The following MCFD2 variants were observed in gnomAD, a reference collection of about 807,000 sequenced individuals.
MCFD2 encodes the protein multiple coagulation factor deficiency protein 2.
Under a neutral mutation model 12.8 loss-of-function variants are expected in MCFD2, and 11 were observed. The ratio of observed to expected loss-of-function variants is 0.86; its 90% confidence interval spans 0.54 to 1.42. The LOEUF is 1.42. MCFD2 is among the 40% of genes most tolerant of loss of function. The probability of loss-of-function intolerance (pLI) is 0.00; values close to 1 mark genes in which losing one functional copy is unlikely to be tolerated. For missense variants in MCFD2, 191 were observed against 178.6 expected (o/e 1.07, Z -0.40); for synonymous variants, 70 against 68.1 (o/e 1.03, Z -0.14).
intron 1 of MCFD2, among the ~76,000 whole-genome samples, chr2:46,933,902 C>A (rs1238731790): frequency 6.6e-6 from 1 of 152,084 alleles, no homozygotes; most frequent in Non-Finnish European, 1.5e-5. Flanking sequence ...TAAGGGACCC[C>A]ACATGGTAAG....
rs1208319065 is a variant in MCFD2, at chr2:46,905,400, A to C, written c.*63T>G. On this transcript the variant is annotated 3_prime_UTR_variant, in exon 4 of 4. Coordinates refer to ENST00000319466, the MANE Select transcript of MCFD2 (RefSeq NM_139279.6). The stretch of plus-strand genomic sequence containing the variant: ...GGAAATGAGTTATTTTGCATTACTA[A>C]AGTGTTCAATCACATTATCACGGGT... 1 of 1,582,102 alleles carries C rather than the reference A, an allele frequency of 6.3e-7. No homozygotes were observed. The highest frequency in any genetic ancestry group is 8.7e-7 in the Non-Finnish European group (1 of 1,153,152).
chr2:46,915,822 C>T (rs1329306558), upstream of MCFD2: 2 of 294,418 alleles, frequency 6.8e-6, no homozygotes, highest in Middle Eastern at 1.3e-3. Flanking sequence ...CCCCCCCCCC[C>T]CCCCCGACCT....
At chr2:46,926,801 C>G (rs373533799) in intron 1 of MCFD2, among the ~76,000 whole-genome samples, 3 of 152,214 alleles carry the variant, frequency 2.0e-5, no homozygotes, top group Non-Finnish European at 4.4e-5. Context: ...CAACGGACCT[C>G]CACAGCTTGA....
rs1352282400 is a variant in MCFD2, at chr2:46,940,743, G to GA, written c.-8+828dup. Among the ~76,000 whole-genome samples, 1 of 152,196 alleles carries GA rather than the reference G, an allele frequency of 6.6e-6. No individual in the cohort carries two copies. The highest frequency in any genetic ancestry group is 2.4e-5 in the African/African-American group (1 of 41,456). On this transcript the variant is annotated intron_variant, in intron 1 of 2. Coordinates refer to the MCFD2 transcript ENST00000409147. This position sits in a 1 kb window ranked among gnomAD's most constrained non-coding sequence, Gnocchi z 4.7. Reference sequence around the variant, plus strand: ...GGCGTCCAGAGAGTCGCGGGCCTGGGAACGGGCCTGGGTCCTCGCGAGCAT... The same window carrying GA: ...GGCGTCCAGAGAGTCGCGGGCCTGGGAAACGGGCCTGGGTCCTCGCGAGCAT...
upstream of MCFD2, chr2:46,916,322 T>G (rs978140428): frequency 3.2e-6 from 1 of 313,140 alleles, no homozygotes; most frequent in African/African-American, 2.3e-5. Flanking sequence ...GTCTGCCAGC[T>G]CCACTGCACA....
chr2:46,908,848 T>C lies in MCFD2; in HGVS notation c.149+175A>G. 1 of 819,850 alleles carries C rather than the reference T, an allele frequency of 1.2e-6. No homozygotes were observed. Among genetic ancestry groups the C allele is most frequent in the Admixed American group, 2.2e-5 (1 of 44,824 alleles). 50.8% of individuals were successfully genotyped at this position (819,850 alleles called of 1,614,324 possible). On this transcript the variant is annotated intron_variant, in intron 2 of 3. Coordinates refer to ENST00000319466, the MANE Select transcript of MCFD2 (RefSeq NM_139279.6). This position sits in a 1 kb window ranked among gnomAD's most constrained non-coding sequence, Gnocchi z 4.5. Reference sequence around the variant, plus strand: ...AGATCTTCCACCTGTGATACAATGATGAAAAAAGAATACCTGACTTATAGG... The same window carrying C: ...AGATCTTCCACCTGTGATACAATGACGAAAAAAGAATACCTGACTTATAGG...
At chr2:46,930,070 G>GT (rs1163059561) in intron 1 of MCFD2, among the ~76,000 whole-genome samples, 5 of 152,042 alleles carry the variant, frequency 3.3e-5, no homozygotes, top group Non-Finnish European at 7.4e-5. Context: ...TTTGGGGGGA[G>GT]TTTTTTACTA....
chr2:46,938,125 C>G (rs77108433), intron 1 of MCFD2, among the ~76,000 whole-genome samples: 54 of 152,022 alleles, frequency 3.6e-4, no homozygotes, highest in African/African-American at 1.2e-3. Flanking sequence ...GCCAGATCTC[C>G]AAAACCTCCT....
intron 1 of MCFD2, among the ~76,000 whole-genome samples, chr2:46,912,180 C>CA (rs1411470728): frequency 3.3e-5 from 5 of 150,340 alleles, no homozygotes; most frequent in Non-Finnish European, 1.5e-5. Context: ...ACTAAAAATA[C>CA]AAAAAAAAAT....
chr2:46,905,036 T>G lies in MCFD2; in HGVS notation c.*427A>C. On this transcript the variant is annotated 3_prime_UTR_variant, in exon 4 of 4. Coordinates refer to ENST00000319466, the MANE Select transcript of MCFD2 (RefSeq NM_139279.6). ...AATAAGTTTCACAAGATCTGATGGC[T>G]TATCAGGGGTTTCCACTTTTGCTTC... 1 of 296,414 alleles carries G rather than the reference T, an allele frequency of 3.4e-6. No homozygotes were observed. The highest frequency in any genetic ancestry group is 3.6e-5 in the South Asian group (1 of 27,842). The allele number at this position is 296,414 out of a possible 1,614,324, so 18.4% of individuals were successfully genotyped here.
At chr2:46,923,629 T>C (rs1669226208) in intron 1 of MCFD2, among the ~76,000 whole-genome samples, 1 of 152,216 alleles carries the variant, frequency 6.6e-6, no homozygotes, top group African/African-American at 2.4e-5. Flanking sequence ...TGATGGTTCA[T>C]GCCTGTAATC....
intron 1 of MCFD2, among the ~76,000 whole-genome samples, chr2:46,923,120 G>T (rs1669192443): frequency 6.6e-6 from 1 of 152,248 alleles, no homozygotes; most frequent in African/African-American, 2.4e-5. Flanking sequence ...GCCTGTGGAT[G>T]TCTTCTCATT....
At chr2:46,910,631 G>A (rs1013982455) in intron 1 of MCFD2, 1 of 152,220 alleles carries the variant, frequency 6.6e-6, no homozygotes, top group Non-Finnish European at 1.5e-5. Context: ...CCCTGAAAGT[G>A]TGAGTATGCC....
Position 46,925,691 on chromosome 2 carries a change from A to G in MCFD2, c.-8+15881T>C, listed in dbSNP as rs532019734. Among the ~76,000 whole-genome samples the G allele has an allele frequency of 2.6e-5, 4 of 152,294 alleles. No homozygotes were observed. The East Asian group carries it at 7.7e-4, about 29-fold the overall frequency. On this transcript the variant is annotated intron_variant, in intron 1 of 2. Transcript: ENST00000409147. ...GACTTCTCCCCTGCCACCTCCCCCA[A>G]AAAAACCCATGTTTATTTTTCATTT...
In MCFD2 at chr2:46,925,272, G is replaced by A. The variant is rs186226125; in HGVS notation, c.-8+16300C>T. Among the ~76,000 whole-genome samples, 49 of 152,250 alleles carry A rather than the reference G, an allele frequency of 3.2e-4. 1 individual carries two copies. Among genetic ancestry groups the A allele is most frequent in the Middle Eastern group, 3.4e-3 (1 of 294 alleles). On this transcript the variant is annotated intron_variant, in intron 1 of 2. Transcript: ENST00000409147. ...CACCCACTTGTTTTTTTAACAATAT[G>A]TTGAGCTGGGTGCAGTGGCTCATGC...
intron 1 of MCFD2, among the ~76,000 whole-genome samples, chr2:46,936,281 T>C (rs1669973168): frequency 6.6e-6 from 1 of 152,198 alleles, no homozygotes; most frequent in South Asian, 2.1e-4. Flanking sequence ...GTCATTTTTT[T>C]GTTGTGCATC....
chr2:46,926,697 CA>C (rs1572642409), intron 1 of MCFD2, among the ~76,000 whole-genome samples: 1 of 152,188 alleles, frequency 6.6e-6, no homozygotes, highest in Non-Finnish European at 1.5e-5. Flanking sequence ...ATGATTTCTA[CA>C]ATAATTTTTC....
At position 46,915,535 on chromosome 2, in the gene MCFD2, C is replaced by T. The variant is rs191761925; in HGVS notation, c.-7+188G>A. Among the ~76,000 whole-genome samples the T allele has an allele frequency of 2.6e-5, 4 of 152,300 alleles. No homozygotes were observed. The East Asian group carries it at 5.8e-4, about 22-fold the overall frequency. On this transcript the variant is annotated intron_variant, in intron 1 of 3. Coordinates refer to ENST00000319466, the MANE Select transcript of MCFD2 (RefSeq NM_139279.6). ...CGGCCCCGTCTGGCTCCAGAGCCCC[C>T]GGTGGGGCACAGGCTTCCGCCCCGG...
upstream of MCFD2, chr2:46,917,360 T>G (rs1348372574): frequency 5.0e-6 from 3 of 595,578 alleles, no homozygotes; most frequent in Non-Finnish European, 8.9e-6. Flanking sequence ...TTCCTTACTC[T>G]GAACTTTGGA....
Sources: allele counts gnomAD v4.1 joint callset (sites outside exome capture counted in the v4.1 genomes callset), GRCh38; gene constraint gnomAD v4.1.1; non-coding constraint Gnocchi (gnomAD v3.1); transcripts MANE v1.5; gene names NCBI Gene and HGNC (gene_info 2026-07-23, HGNC 2026-07-21).